Variants in GPC5 observed in about 807,000 individuals in gnomAD.
GPC5 encodes glypican-5.
In GPC5, 47 loss-of-function variants were observed where a neutral mutation model predicts 53.9. That is an observed-to-expected ratio of 0.87 (90% CI 0.69 to 1.11). The LOEUF (loss-of-function observed/expected upper bound fraction) is 1.11, where lower values mean the gene tolerates loss of function less well. GPC5 is among the 50% of genes most tolerant of loss of function. GPC5 has a pLI of 0.00. For synonymous variants in GPC5, 286 were observed against 263.3 expected (o/e 1.09, Z -0.84); for missense variants, 748 against 713.1 (o/e 1.05, Z -0.56).
At chr13:92,353,956 C>T (rs926208548) in intron 7 of GPC5, among the ~76,000 whole-genome samples, 7 of 152,130 alleles carry the variant, frequency 4.6e-5, no homozygotes, top group Admixed American at 1.3e-4. Context: ...AATTGAAATA[C>T]GTGTCTTTTT....
intron 7 of GPC5, among the ~76,000 whole-genome samples, chr13:92,479,585 A>G (rs1594237241): frequency 6.6e-6 from 1 of 152,278 alleles, no homozygotes; most frequent in South Asian, 2.1e-4. Context: ...CTGCAGACAT[A>G]GTTCCTCCTC....
intron 5 of GPC5, among the ~76,000 whole-genome samples, chr13:91,815,218 T>TAATA (rs760877641): frequency 2.0e-5 from 3 of 151,786 alleles, no homozygotes; most frequent in Admixed American, 6.6e-5. Flanking sequence ...AAAATAATAA[T>TAATA]AATAAATAAA....
At chr13:91,965,465 A>G (rs2139082536) in intron 6 of GPC5, among the ~76,000 whole-genome samples, 1 of 152,222 alleles carries the variant, frequency 6.6e-6, no homozygotes, top group South Asian at 2.1e-4. Flanking sequence ...TTCTTCTTAC[A>G]CCATCATTTA....
At chr13:92,777,686 G>A (rs1382993761) in intron 7 of GPC5, among the ~76,000 whole-genome samples, 3 of 152,212 alleles carry the variant, frequency 2.0e-5, no homozygotes, top group Non-Finnish European at 4.4e-5. Context: ...GCCTTCAAAT[G>A]TCTTCAAATG....
intron 7 of GPC5, among the ~76,000 whole-genome samples, chr13:92,199,661 C>G (rs1178021520): frequency 1.3e-5 from 2 of 152,098 alleles, no homozygotes; most frequent in African/African-American, 4.8e-5. Flanking sequence ...GCCCAATATT[C>G]CAACACTACT....
intron 5 of GPC5, among the ~76,000 whole-genome samples, chr13:91,875,670 T>C (rs1027361692): frequency 4.6e-5 from 7 of 152,322 alleles, no homozygotes; most frequent in African/African-American, 1.7e-4. Context: ...TTTTCTCTTC[T>C]TGAATCATAT....
intron 7 of GPC5, among the ~76,000 whole-genome samples, chr13:92,838,818 A>G (rs1388634630): frequency 6.6e-6 from 1 of 152,248 alleles, no homozygotes; most frequent in Non-Finnish European, 1.5e-5. Context: ...GTATCTACAA[A>G]TAAGAATTCA....
chr13:92,579,612 G>T (rs1487093097), intron 7 of GPC5, among the ~76,000 whole-genome samples: 2 of 151,970 alleles, frequency 1.3e-5, no homozygotes, highest in African/African-American at 2.4e-5. Context: ...ATAAATAACT[G>T]AACTGAGAGA....
intron 2 of GPC5, among the ~76,000 whole-genome samples, chr13:91,658,918 C>G (rs575619031): frequency 6.6e-6 from 1 of 152,154 alleles, no homozygotes; most frequent in Non-Finnish European, 1.5e-5. Flanking sequence ...CCTTGGTTTT[C>G]TAAAATACTT....
chr13:92,742,007 C>T (rs1889111127), intron 7 of GPC5, among the ~76,000 whole-genome samples: 1 of 151,912 alleles, frequency 6.6e-6, no homozygotes. Context: ...GGGTTGGTTC[C>T]AAGTCTTTGC....
chr13:92,008,721 TCATCAAATGTA>T (rs1271027329), intron 6 of GPC5, among the ~76,000 whole-genome samples: 2 of 152,186 alleles, frequency 1.3e-5, no homozygotes, highest in Non-Finnish European at 2.9e-5. Flanking sequence ...TTTTTCGTTT[TCATCAAATGTA>T]GATTTTTGAC....
chr13:92,026,094 G>A (rs983249197), intron 6 of GPC5, among the ~76,000 whole-genome samples: 1 of 152,072 alleles, frequency 6.6e-6, no homozygotes, highest in Non-Finnish European at 1.5e-5. Context: ...GTAAAGACAA[G>A]GGGATCAAAG....
rs1216233574 is a variant in GPC5 at position 92,158,495 on chromosome 13, T to C, written c.1561+13506T>C. On this transcript the variant is annotated intron_variant, in intron 7 of 7. Transcript: ENST00000377067. ...CCTGTCAACTTTCCTCTCAATTCTTTTCAGTTGTTCCTTTTTTTTTTTCTT... is the reference window on the plus strand; with the variant it reads ...CCTGTCAACTTTCCTCTCAATTCTTCTCAGTTGTTCCTTTTTTTTTTTCTT... Among the ~76,000 whole-genome samples, 3 of 152,032 alleles carry C rather than the reference T, an allele frequency of 2.0e-5. No homozygotes were observed. The East Asian group carries it at 5.8e-4, about 29-fold the overall frequency.
At chr13:92,245,037 GA>G (rs35163960) in intron 7 of GPC5, among the ~76,000 whole-genome samples, 36,447 of 130,894 alleles carry the variant, frequency 0.28, 4,940 homozygotes, top group Non-Finnish European at 0.34. Context: ...GACTCCATCT[GA>G]AAAAAAAAAA....
intron 6 of GPC5, among the ~76,000 whole-genome samples, chr13:92,134,497 A>G (rs745806285): frequency 9.9e-5 from 15 of 152,144 alleles, no homozygotes; most frequent in Non-Finnish European, 1.9e-4. Flanking sequence ...AGTTAAAGAG[A>G]TGAAGGCTTT....
chr13:91,696,646 T>C (rs1362607060), intron 3 of GPC5, among the ~76,000 whole-genome samples: 1 of 152,210 alleles, frequency 6.6e-6, no homozygotes, highest in East Asian at 1.9e-4. Context: ...ATACATATTT[T>C]CACTTTAAAA....
At chr13:91,757,853 C>T (rs1189425882) in intron 5 of GPC5, among the ~76,000 whole-genome samples, 1 of 152,056 alleles carries the variant, frequency 6.6e-6, no homozygotes, top group Non-Finnish European at 1.5e-5. Flanking sequence ...TCATTTAAAA[C>T]ATTATTTAGC....
intron 5 of GPC5, among the ~76,000 whole-genome samples, chr13:91,842,355 T>C (rs914942113): frequency 6.7e-5 from 10 of 150,318 alleles, no homozygotes; most frequent in African/African-American, 2.5e-4. Context: ...TGTGCTTCTC[T>C]AATATTGAAC....
At chr13:91,746,681 G>A (rs1343434431) in intron 4 of GPC5, among the ~76,000 whole-genome samples, 1 of 152,128 alleles carries the variant, frequency 6.6e-6, no homozygotes, top group East Asian at 1.9e-4. Context: ...AAGGCAAACA[G>A]CTTCCTAAAA....
Sources: allele counts gnomAD v4.1 joint callset (sites outside exome capture counted in the v4.1 genomes callset), GRCh38; gene constraint gnomAD v4.1.1; transcripts MANE v1.5; gene names NCBI Gene and HGNC (gene_info 2026-07-23, HGNC 2026-07-21).